The following KCTD16 variants were observed in gnomAD, a reference collection of about 807,000 sequenced individuals.
KCTD16 encodes BTB/POZ domain-containing protein KCTD16.
In KCTD16, 13 loss-of-function variants were observed where a neutral mutation model predicts 33.2. The observed-to-expected ratio is 0.39, with a 90% CI of 0.25 to 0.62. The LOEUF (loss-of-function observed/expected upper bound fraction) is 0.62, where lower values mean the gene tolerates loss of function less well. Ranked by LOEUF, KCTD16 falls within the 20% of genes least tolerant of loss-of-function variation. KCTD16 has a pLI of 0.50. For missense variants in KCTD16, 441 were observed against 525.1 expected, an observed-to-expected ratio of 0.84 and a Z score of 1.57; for synonymous variants, 197 against 195.3, an observed-to-expected ratio of 1.01 and a Z score of -0.07.
chr5:144,368,942 A>G (rs1349744247), intron 3 of KCTD16, among the ~76,000 whole-genome samples: 1 of 152,232 alleles, frequency 6.6e-6, no homozygotes, highest in Non-Finnish European at 1.5e-5. Flanking sequence ...ACCCAGATTT[A>G]TCTGTAAGAG....
intron 3 of KCTD16, among the ~76,000 whole-genome samples, chr5:144,312,535 AG>A (rs1223037262): frequency 4.1e-4 from 63 of 152,308 alleles, no homozygotes; most frequent in Middle Eastern, 3.4e-3. Flanking sequence ...ACTGAAGTAA[AG>A]TAGTTAAGTA....
chr5:144,464,666 T>C (rs1363188519), intron 3 of KCTD16, among the ~76,000 whole-genome samples: 1 of 151,412 alleles, frequency 6.6e-6, no homozygotes, highest in African/African-American at 2.4e-5. Flanking sequence ...CAAGTTCCTC[T>C]TCCTCCTCCT....
intron 3 of KCTD16, among the ~76,000 whole-genome samples, chr5:144,441,037 AT>A (rs1303661155): frequency 6.6e-6 from 1 of 151,976 alleles, no homozygotes; most frequent in Non-Finnish European, 1.5e-5. Flanking sequence ...AATGTTGAGT[AT>A]TTTTTGATGT....
intron 3 of KCTD16, among the ~76,000 whole-genome samples, chr5:144,231,705 T>C (rs1004262705): frequency 4.6e-5 from 7 of 152,232 alleles, no homozygotes; most frequent in Non-Finnish European, 7.4e-5. Flanking sequence ...TCACGAGATC[T>C]GATGGTTTTA....
At chr5:144,410,303 G>A (rs537394940) in intron 3 of KCTD16, among the ~76,000 whole-genome samples, 1 of 152,282 alleles carries the variant, frequency 6.6e-6, no homozygotes, top group Admixed American at 6.5e-5. Context: ...GGTTTATGCA[G>A]CTGTTAAATT....
At chr5:144,221,162 G>A (rs1162500985) in intron 3 of KCTD16, among the ~76,000 whole-genome samples, 2 of 152,130 alleles carry the variant, frequency 1.3e-5, no homozygotes, top group Non-Finnish European at 2.9e-5. Context: ...TGGCCATGTT[G>A]CTTATTAGAT....
chr5:144,374,097 A>G (rs1752033530), intron 3 of KCTD16, among the ~76,000 whole-genome samples: 1 of 152,166 alleles, frequency 6.6e-6, no homozygotes, highest in Non-Finnish European at 1.5e-5. Context: ...TCAAGTCCTT[A>G]CTTTGTTTGC....
At chr5:144,417,890 C>A (rs113035653) in intron 3 of KCTD16, among the ~76,000 whole-genome samples, 1 of 152,216 alleles carries the variant, frequency 6.6e-6, no homozygotes, top group African/African-American at 2.4e-5. Context: ...CCTGGTCTTG[C>A]TGACTTCAAG....
At chr5:144,244,727 C>CG (rs1251554372) in intron 3 of KCTD16, among the ~76,000 whole-genome samples, 4 of 152,164 alleles carry the variant, frequency 2.6e-5, no homozygotes, top group Admixed American at 1.3e-4. Context: ...CCTAGTTTCT[C>CG]ACTTTCCCTA....
At position 144,225,890 on chromosome 5, in the gene KCTD16, A is replaced by G. The variant is rs138199368; in HGVS notation, c.832+18344A>G. 2.4e-4 allele frequency among the ~76,000 whole-genome samples: 36 copies of G among 152,336 alleles called. No homozygotes were observed. In the East Asian group the frequency reaches 5.8e-3, roughly 24 times the overall value. ...TTCATGTTAATAACAGCTTTCCATT[A>G]CTTTAGAAGCCTAGCTATTATAGCA... On this transcript the variant is annotated intron_variant, in intron 3 of 3. Transcript: ENST00000512467.
intron 3 of KCTD16, among the ~76,000 whole-genome samples, chr5:144,324,538 C>G (rs1752153375): frequency 6.6e-6 from 1 of 152,062 alleles, no homozygotes; most frequent in Non-Finnish European, 1.5e-5. Flanking sequence ...AGACCTAGAA[C>G]CAGAAATACC....
chr5:144,457,275 G>A (rs147013759), intron 3 of KCTD16, among the ~76,000 whole-genome samples: 36 of 152,364 alleles, frequency 2.4e-4, no homozygotes, highest in Non-Finnish European at 4.0e-4. Flanking sequence ...ATGGTCAGGA[G>A]CTCACAGTCT....
rs1021452563 is a variant in KCTD16, at chr5:144,477,942, A to T, written c.*3828A>T. ...GAATTCTTTGTCACCTCCACCTGACATACCAATTTTCAAAAGAAAAACGAA... is the reference window on the plus strand; with the variant it reads ...GAATTCTTTGTCACCTCCACCTGACTTACCAATTTTCAAAAGAAAAACGAA... On this transcript the variant is annotated 3_prime_UTR_variant, in exon 4 of 4. Transcript: ENST00000512467. 7.2e-5 allele frequency: 11 copies of T among 152,096 alleles called. No homozygotes were observed. The highest frequency in any genetic ancestry group is 2.7e-4 in the African/African-American group (11 of 41,438). 9.4% of individuals were successfully genotyped at this position (152,096 alleles called of 1,614,324 possible).
At chr5:144,392,163 G>A (rs1184232379) in intron 3 of KCTD16, among the ~76,000 whole-genome samples, 1 of 152,186 alleles carries the variant, frequency 6.6e-6, no homozygotes, top group Non-Finnish European at 1.5e-5. Flanking sequence ...AAAACAGAAA[G>A]TCGTGAAATG....
intron 3 of KCTD16, among the ~76,000 whole-genome samples, chr5:144,405,818 A>G (rs919688943): frequency 1.3e-5 from 2 of 152,202 alleles, no homozygotes; most frequent in Admixed American, 1.3e-4. Flanking sequence ...TAGAATGACC[A>G]GAAAGACCCA....
chr5:144,282,492 G>T (rs183066745), intron 3 of KCTD16, among the ~76,000 whole-genome samples: 65 of 152,270 alleles, frequency 4.3e-4, no homozygotes, highest in Middle Eastern at 6.8e-3. Context: ...TATCCAAGGA[G>T]GGGGCTGTGA....
chr5:144,390,392 G>A (rs1431122652), intron 3 of KCTD16, among the ~76,000 whole-genome samples: 1 of 152,174 alleles, frequency 6.6e-6, no homozygotes, highest in African/African-American at 2.4e-5. Context: ...AAAGATGAGA[G>A]TCTAGCTCAC....
intron 3 of KCTD16, among the ~76,000 whole-genome samples, chr5:144,217,171 A>C (rs746505729): frequency 1.6e-4 from 25 of 152,256 alleles, no homozygotes; most frequent in Non-Finnish European, 2.1e-4. Flanking sequence ...AAGCACATCA[A>C]GCACTGGTCA....
intron 3 of KCTD16, among the ~76,000 whole-genome samples, chr5:144,380,228 A>G (rs1236834890): frequency 6.6e-6 from 1 of 152,110 alleles, no homozygotes; most frequent in Non-Finnish European, 1.5e-5. Flanking sequence ...CAAGAGTACA[A>G]TCCCATTCAC....
Sources: allele counts gnomAD v4.1 joint callset (sites outside exome capture counted in the v4.1 genomes callset), GRCh38; gene constraint gnomAD v4.1.1; transcripts MANE v1.5; gene names NCBI Gene and HGNC (gene_info 2026-07-23, HGNC 2026-07-21).